PTPRN2: variants seen among roughly 807,000 people sequenced by gnomAD.
PTPRN2 encodes protein tyrosine phosphatase receptor type N2.
PTPRN2 carries 74 observed loss-of-function variants against 118.8 expected under a neutral mutation model. The observed-to-expected ratio is 0.62, with a 90% CI of 0.52 to 0.76. The LOEUF (loss-of-function observed/expected upper bound fraction) is 0.76. Ranked by LOEUF, PTPRN2 falls within the 30% of genes least tolerant of loss-of-function variation. The pLI is 0.00. For missense variants in PTPRN2, 1,481 were observed against 1,394.4 expected (o/e 1.06, Z -0.99); for synonymous variants, 641 against 608.0 (o/e 1.05, Z -0.80).
At chr7:157,668,067 C>T (rs1048695044) in intron 13 of PTPRN2, among the ~76,000 whole-genome samples, 3 of 152,266 alleles carry the variant, frequency 2.0e-5, no homozygotes, top group South Asian at 2.1e-4. Context: ...ATGGTCAGCA[C>T]GGCACATTCG....
intron 9 of PTPRN2, among the ~76,000 whole-genome samples, chr7:158,113,058 A>AGC (rs1816424746): frequency 6.6e-6 from 1 of 151,112 alleles, no homozygotes; most frequent in Non-Finnish European, 1.5e-5. Flanking sequence ...AGGGCCCCCC[A>AGC]ACATTTAGGG....
chr7:157,793,066 C>G (rs1804620970), intron 12 of PTPRN2, among the ~76,000 whole-genome samples: 1 of 151,616 alleles, frequency 6.6e-6, no homozygotes, highest in Non-Finnish European at 1.5e-5. Context: ...TTAATGGGAC[C>G]CCTCTACAAT....
chr7:157,692,946 G>T (rs952285745), intron 12 of PTPRN2, among the ~76,000 whole-genome samples: 1 of 152,100 alleles, frequency 6.6e-6, no homozygotes, highest in Non-Finnish European at 1.5e-5. Context: ...CGGGCAAAGA[G>T]TCGAGTGGTA....
At chr7:158,432,020 C>A (rs914769387) in intron 2 of PTPRN2, among the ~76,000 whole-genome samples, 1 of 152,244 alleles carries the variant, frequency 6.6e-6, no homozygotes, top group African/African-American at 2.4e-5. Flanking sequence ...AGAGTCCAAT[C>A]CACTCTAACA....
chr7:158,223,822 G>T (rs1194559550), intron 3 of PTPRN2, among the ~76,000 whole-genome samples: 1 of 151,662 alleles, frequency 6.6e-6, no homozygotes, highest in Non-Finnish European at 1.5e-5. Flanking sequence ...GTGCAATAGG[G>T]CAAGATAAAA....
chr7:157,751,164 G>C (rs1043349072), intron 12 of PTPRN2, among the ~76,000 whole-genome samples: 2 of 152,190 alleles, frequency 1.3e-5, no homozygotes, highest in Non-Finnish European at 2.9e-5. Context: ...CCAAGGGATT[G>C]ATTTCTTTCT....
At position 158,270,818 on chromosome 7, in the gene PTPRN2, C is replaced by G. The variant is rs1240274324; in HGVS notation, c.277+46001G>C. Among the ~76,000 whole-genome samples the G allele has an allele frequency of 5.8e-3, 57 of 9,850 alleles. 10 individuals carry two copies. Among genetic ancestry groups the G allele is most frequent in the Middle Eastern group, 0.045 (1 of 22 alleles). The allele number at this position is 9,850 out of a possible 152,430, so 6.5% of individuals were successfully genotyped here. A position where few individuals can be genotyped will look rare whatever the true frequency, so the allele number is the denominator to read the frequency against. ...CTGGACCACCCCCTCACCTGGACCG[C>G]CCCCTCCACCTGGATGACCCCCTCA... On this transcript the variant is annotated intron_variant, in intron 3 of 22. Transcript: ENST00000389418.
chr7:157,788,805 C>A (rs1435825555), intron 12 of PTPRN2, among the ~76,000 whole-genome samples: 1 of 152,098 alleles, frequency 6.6e-6, no homozygotes, highest in African/African-American at 2.4e-5. Flanking sequence ...CAGCCCTCTG[C>A]CACACGTGAG....
chr7:157,889,811 G>A (rs1216205328), intron 12 of PTPRN2, among the ~76,000 whole-genome samples: 3 of 152,204 alleles, frequency 2.0e-5, no homozygotes, highest in African/African-American at 4.8e-5. Flanking sequence ...CTGTCCTGCA[G>A]GATGCAGCTC....
chr7:157,861,263 A>G lies in PTPRN2; in HGVS notation c.1788+37410T>C, dbSNP rs562242975. Among the ~76,000 whole-genome samples the G allele has an allele frequency of 2.6e-5, 4 of 152,322 alleles. No homozygotes were observed. The East Asian group carries it at 7.7e-4, about 29-fold the overall frequency. Reference sequence around the variant, plus strand: ...TTTACATACGTGAAGTCTATACAATAATGGAACCGAAGCCCTCTGTGGGGA... The same window carrying G: ...TTTACATACGTGAAGTCTATACAATGATGGAACCGAAGCCCTCTGTGGGGA... On this transcript the variant is annotated intron_variant, in intron 12 of 22. Coordinates refer to ENST00000389418, the MANE Select transcript of PTPRN2 (RefSeq NM_002847.5). This position sits in a 1 kb window ranked among gnomAD's most constrained non-coding sequence, Gnocchi z 5.8.
At chr7:157,574,392 C>T in intron 19 of PTPRN2, 1 of 533,744 alleles carries the variant, frequency 1.9e-6, no homozygotes, top group Non-Finnish European at 3.9e-6. Context: ...TTACTAGCTG[C>T]AACATCACAA....
chr7:158,062,609 C>T (rs1298696471), intron 11 of PTPRN2, among the ~76,000 whole-genome samples: 1 of 152,164 alleles, frequency 6.6e-6, no homozygotes, highest in African/African-American at 2.4e-5. Flanking sequence ...GTGCGTGGTG[C>T]TCACGGGCCA....
chr7:158,584,027 G>A (rs1383919452), intron 1 of PTPRN2, among the ~76,000 whole-genome samples: 2 of 152,190 alleles, frequency 1.3e-5, no homozygotes, highest in Non-Finnish European at 2.9e-5. Flanking sequence ...GCTCTGTGTG[G>A]GCTCCCTGGT....
At chr7:158,549,612 C>A (rs1586922443) in intron 1 of PTPRN2, among the ~76,000 whole-genome samples, 1 of 152,266 alleles carries the variant, frequency 6.6e-6, no homozygotes, top group East Asian at 1.9e-4. Flanking sequence ...GTGGAGGAAG[C>A]AGCTGTGGGC....
In PTPRN2 at chr7:157,737,003, C is replaced by T. The variant is rs571561440; in HGVS notation, c.1789-54066G>A. Reference sequence around the variant, plus strand: ...TTCAGGTGCCCTTTGCAGAGGCTTCCCGAGTCTCCCGGGGGCAATGCATCT... The same window carrying T: ...TTCAGGTGCCCTTTGCAGAGGCTTCTCGAGTCTCCCGGGGGCAATGCATCT... On this transcript the variant is annotated intron_variant, in intron 12 of 22. Transcript: ENST00000389418. Among the ~76,000 whole-genome samples, 21 of 152,256 alleles carry T rather than the reference C, an allele frequency of 1.4e-4. 1 individual carries two copies. The South Asian group carries it at 4.3e-3, about 32-fold the overall frequency.
chr7:158,213,206 T>TTG (rs57665784), intron 3 of PTPRN2, among the ~76,000 whole-genome samples: 7,214 of 140,346 alleles, frequency 0.051, 176 homozygotes, highest in Admixed American at 0.068. Flanking sequence ...GGCTCTGTGC[T>TTG]TGTGTGTGTG....
intron 2 of PTPRN2, among the ~76,000 whole-genome samples, chr7:158,487,536 A>C (rs1331098037): frequency 2.0e-5 from 3 of 152,216 alleles, no homozygotes; most frequent in Non-Finnish European, 2.9e-5. Context: ...GGGCTTTTAA[A>C]AAACATATCC....
intron 3 of PTPRN2, among the ~76,000 whole-genome samples, chr7:158,311,130 C>T (rs1368561559): frequency 6.6e-6 from 1 of 151,970 alleles, no homozygotes; most frequent in East Asian, 1.9e-4. Flanking sequence ...GGAGGCAGAA[C>T]CCGGCTCCCC....
chr7:158,329,854 G>C (rs1372037401), intron 2 of PTPRN2, among the ~76,000 whole-genome samples: 1 of 152,138 alleles, frequency 6.6e-6, no homozygotes, highest in African/African-American at 2.4e-5. Context: ...TTTCACTTTA[G>C]ACTGTAGATG....
Sources: gnomAD v4.1 joint callset for allele counts (sites outside exome capture counted in the v4.1 genomes callset) on GRCh38, gnomAD v4.1.1 for gene constraint, Gnocchi (gnomAD v3.1) non-coding constraint, MANE v1.5 for transcripts, NCBI Gene and HGNC (gene_info 2026-07-23, HGNC 2026-07-21) for gene names.